FNDC3A: variants seen among roughly 807,000 people sequenced by gnomAD.
FNDC3A encodes fibronectin type-III domain-containing protein 3A.
A neutral mutation model predicts 148.9 loss-of-function variants in FNDC3A; 32 were observed. The observed-to-expected ratio is 0.21, with a 90% CI of 0.16 to 0.29. The LOEUF (loss-of-function observed/expected upper bound fraction) is 0.29, where lower values mean the gene tolerates loss of function less well. Ranked by LOEUF, FNDC3A falls within the 10% of genes least tolerant of loss-of-function variation. The probability of loss-of-function intolerance (pLI) is 1.00; values close to 1 mark genes in which losing one functional copy is unlikely to be tolerated. For synonymous variants in FNDC3A, 472 were observed against 473.6 expected (o/e 1.00, Z 0.04); for missense variants, 1,191 against 1,452.8 (o/e 0.82, Z 2.93).
At chr13:49,076,656 C>T (rs995356910) in intron 3 of FNDC3A, among the ~76,000 whole-genome samples, 1 of 151,974 alleles carries the variant, frequency 6.6e-6, no homozygotes, top group African/African-American at 2.4e-5. Context: ...CTAAACCAGC[C>T]TGGGACATAC....
intron 2 of FNDC3A, among the ~76,000 whole-genome samples, chr13:49,030,190 A>G (rs936833570): frequency 6.6e-6 from 1 of 152,204 alleles, no homozygotes; most frequent in African/African-American, 2.4e-5. Context: ...TTACTTCATT[A>G]TGTACATCAA....
chr13:49,117,182 C>A (rs936512829), intron 4 of FNDC3A, among the ~76,000 whole-genome samples: 2 of 152,170 alleles, frequency 1.3e-5, no homozygotes, highest in African/African-American at 4.8e-5. Context: ...GTTCTGTAAT[C>A]TTTAGACCAA....
chr13:49,057,984 T>C (rs554338699), intron 2 of FNDC3A, among the ~76,000 whole-genome samples: 3 of 152,090 alleles, frequency 2.0e-5, no homozygotes, highest in Non-Finnish European at 2.9e-5. Context: ...CCTCAGACTG[T>C]GCCTAAGTTT....
At chr13:48,991,858 C>G (rs151205585) in intron 1 of FNDC3A, among the ~76,000 whole-genome samples, 19 of 152,298 alleles carry the variant, frequency 1.2e-4, no homozygotes, top group African/African-American at 4.1e-4. Flanking sequence ...TACTGAACAT[C>G]GTAGCTTAGC....
chr13:49,035,381 CATT>C (rs1008092316), intron 2 of FNDC3A, among the ~76,000 whole-genome samples: 1 of 151,890 alleles, frequency 6.6e-6, no homozygotes, highest in African/African-American at 2.4e-5. Flanking sequence ...GATAATACCT[CATT>C]ATATTTTAAG....
chr13:49,104,907 A>G (rs1282223641), intron 3 of FNDC3A, among the ~76,000 whole-genome samples: 1 of 152,218 alleles, frequency 6.6e-6, no homozygotes, highest in African/African-American at 2.4e-5. Context: ...TTAGGATACA[A>G]ACACACAAAA....
At chr13:49,150,743 A>C (rs975143398) in intron 8 of FNDC3A, among the ~76,000 whole-genome samples, 1 of 152,068 alleles carries the variant, frequency 6.6e-6, no homozygotes, top group South Asian at 2.1e-4. Flanking sequence ...GCAAGAGATC[A>C]AGACCATCCT....
At chr13:49,070,438 T>C (rs1206450865) in intron 2 of FNDC3A, among the ~76,000 whole-genome samples, 2 of 152,226 alleles carry the variant, frequency 1.3e-5, no homozygotes, top group Non-Finnish European at 2.9e-5. Flanking sequence ...CAGAGTTTTT[T>C]AATACTAAGC....
At chr13:49,093,867 A>G (rs180760670) in intron 3 of FNDC3A, among the ~76,000 whole-genome samples, 1 of 152,304 alleles carries the variant, frequency 6.6e-6, no homozygotes, top group East Asian at 1.9e-4. Context: ...TACATGATTT[A>G]TATTGCATGA....
At chr13:49,153,432 G>T (rs1289605553) in intron 8 of FNDC3A, among the ~76,000 whole-genome samples, 1 of 152,136 alleles carries the variant, frequency 6.6e-6, no homozygotes. Context: ...TTTGTCAGAT[G>T]AGTAGGTTGC....
intron 3 of FNDC3A, among the ~76,000 whole-genome samples, chr13:49,093,259 A>G (rs1236993030): frequency 6.6e-6 from 1 of 152,124 alleles, no homozygotes; most frequent in Non-Finnish European, 1.5e-5. Flanking sequence ...AATTCAGTAA[A>G]TGTTTATTTA....
chr13:48,986,401 T>TTTG (rs1566174619), intron 1 of FNDC3A, among the ~76,000 whole-genome samples: 21 of 121,968 alleles, frequency 1.7e-4, no homozygotes, highest in African/African-American at 5.6e-4. Context: ...TTTTTTTTTT[T>TTTG]TTTTTTTTTT....
chr13:49,111,425 T>C (rs145487807), intron 3 of FNDC3A, among the ~76,000 whole-genome samples: 101 of 152,272 alleles, frequency 6.6e-4, no homozygotes, highest in African/African-American at 2.1e-3. Context: ...CGATAAATTG[T>C]CTTTTTAAAA....
At chr13:49,119,683 C>T (rs952424486) in intron 4 of FNDC3A, among the ~76,000 whole-genome samples, 2 of 151,654 alleles carry the variant, frequency 1.3e-5, no homozygotes, top group Admixed American at 6.6e-5. Context: ...ACAAGAACTT[C>T]GCGAAGCATA....
At chr13:49,183,166 C>G (rs768717971) in intron 14 of FNDC3A, among the ~76,000 whole-genome samples, 2 of 152,242 alleles carry the variant, frequency 1.3e-5, no homozygotes, top group Non-Finnish European at 2.9e-5. Flanking sequence ...GCAGAGCTCA[C>G]TGTTCACTAT....
chr13:49,129,739 A>G (rs1404541412), intron 4 of FNDC3A, among the ~76,000 whole-genome samples: 1 of 152,188 alleles, frequency 6.6e-6, no homozygotes, highest in Non-Finnish European at 1.5e-5. Flanking sequence ...CATATTAAAA[A>G]CAGTTAATTC....
chr13:49,132,283 A>G (rs1004795400), intron 5 of FNDC3A, among the ~76,000 whole-genome samples: 2 of 152,178 alleles, frequency 1.3e-5, no homozygotes, highest in Non-Finnish European at 2.9e-5. Context: ...ATTCTCAGCC[A>G]CAGTAATTAT....
At chr13:49,158,787 A>G (rs963299988) in intron 8 of FNDC3A, among the ~76,000 whole-genome samples, 4 of 152,090 alleles carry the variant, frequency 2.6e-5, no homozygotes, top group South Asian at 2.1e-4. Flanking sequence ...ATCTTGAATT[A>G]ATTTTTGTAT....
chr13:49,137,636 A>T (rs553814559), intron 6 of FNDC3A, among the ~76,000 whole-genome samples: 8 of 152,146 alleles, frequency 5.3e-5, no homozygotes, highest in African/African-American at 1.9e-4. Flanking sequence ...TGAGCCTACT[A>T]TATGGACTTT....
Sources: allele counts gnomAD v4.1 joint callset (sites outside exome capture counted in the v4.1 genomes callset), GRCh38; gene constraint gnomAD v4.1.1; transcripts MANE v1.5; gene names NCBI Gene and HGNC (gene_info 2026-07-23, HGNC 2026-07-21).